The following JCAD variants were observed in gnomAD, a reference collection of about 807,000 sequenced individuals.
The protein encoded by JCAD is junctional cadherin 5 associated.
JCAD carries 40 observed loss-of-function variants against 98.0 expected under a neutral mutation model. The ratio of observed to expected loss-of-function variants is 0.41; its 90% CI spans 0.32 to 0.53. The LOEUF is 0.53. Ranked by LOEUF, JCAD falls within the 20% of genes least tolerant of loss-of-function variation. JCAD has a pLI of 0.31. For missense variants in JCAD, 1,705 were observed against 1,738.1 expected (o/e 0.98, Z 0.34); for synonymous variants, 691 against 682.3 (o/e 1.01, Z -0.20).
intron 2 of JCAD, among the ~76,000 whole-genome samples, chr10:30,034,222 C>CAATAATAATAATAATAATAAT (rs71023540): frequency 4.0e-5 from 6 of 149,328 alleles, no homozygotes; most frequent in South Asian, 2.1e-4. Flanking sequence ...GACTCCATCT[C>CAATAATAATAATAATAATAAT]AATAATAATA....
chr10:30,109,443 A>G (rs936343188), intron 1 of JCAD, among the ~76,000 whole-genome samples: 1 of 151,980 alleles, frequency 6.6e-6, no homozygotes, highest in Non-Finnish European at 1.5e-5. Context: ...GTTATCTTTG[A>G]TGGATGCCTG....
chr10:30,111,975 A>G (rs2132722277), intron 1 of JCAD, among the ~76,000 whole-genome samples: 1 of 152,290 alleles, frequency 6.6e-6, no homozygotes, highest in Middle Eastern at 3.4e-3. Context: ...GCCCCCAAAG[A>G]GCTGAAAATA....
intron 3 of JCAD, among the ~76,000 whole-genome samples, chr10:30,021,587 A>C (rs924821287): frequency 4.6e-5 from 7 of 152,220 alleles, no homozygotes; most frequent in African/African-American, 1.7e-4. Flanking sequence ...ATATATTCAA[A>C]ATATCATTTC....
Position 30,027,831 on chromosome 10 carries a change from G to T in JCAD, c.2317C>A (p.Gln773Lys). ...AFSRTSLSVD[Q>K]APTPKAGRSQ... ...CGGCCTGCTTTTGGCGTCGGTGCCTGGTCCACGGACAAGGAAGTCCTTGAG... is the reference window on the plus strand; with the variant it reads ...CGGCCTGCTTTTGGCGTCGGTGCCTTGTCCACGGACAAGGAAGTCCTTGAG... The change falls in exon 3 of 4, where the codon CAG becomes AAG. Residue 773 changes from glutamine (Q) to lysine (K), a missense_variant. Physicochemically the swap from Gln to Lys is moderately conservative, Grantham distance 53. Transcript: ENST00000375377. The T allele has an allele frequency of 6.2e-7, 1 of 1,614,270 alleles. No individual in the cohort carries two copies.
intron 1 of JCAD, among the ~76,000 whole-genome samples, chr10:30,105,119 C>T (rs906369021): frequency 6.6e-6 from 1 of 152,188 alleles, no homozygotes; most frequent in Non-Finnish European, 1.5e-5. Flanking sequence ...TAAATGCACC[C>T]TCTTCACTGA....
intron 1 of JCAD, among the ~76,000 whole-genome samples, chr10:30,074,357 G>A (rs1837944511): frequency 6.6e-6 from 1 of 152,184 alleles, no homozygotes; most frequent in Non-Finnish European, 1.5e-5. Context: ...AGTACTCTCT[G>A]TGTACCTTGA....
In JCAD at chr10:30,019,005, T is replaced by C. The variant is rs539270150; in HGVS notation, c.4046-1088A>G. ...AAGTTCACTGCAGCATTATTTACAATGGCCAAGATAGGAAACTACCTAATC... is the reference window on the plus strand; with the variant it reads ...AAGTTCACTGCAGCATTATTTACAACGGCCAAGATAGGAAACTACCTAATC... On this transcript the variant is annotated intron_variant, in intron 3 of 3. Transcript: ENST00000375377. Among the ~76,000 whole-genome samples, 19 of 152,236 alleles carry C rather than the reference T, an allele frequency of 1.2e-4. 2 individuals carry two copies. In the South Asian group the frequency reaches 3.1e-3, roughly 25 times the overall value.
At chr10:30,106,565 ATC>A (rs1838585818) in intron 1 of JCAD, among the ~76,000 whole-genome samples, 1 of 152,224 alleles carries the variant, frequency 6.6e-6, no homozygotes, top group Admixed American at 6.5e-5. Flanking sequence ...CAGTGGCACT[ATC>A]TCGGCTTACC....
chr10:30,044,533 G>A (rs183773442), intron 2 of JCAD, among the ~76,000 whole-genome samples: 27 of 152,288 alleles, frequency 1.8e-4, no homozygotes, highest in Middle Eastern at 3.4e-3. Flanking sequence ...CCCCTAGACC[G>A]GGAGGCCAGC....
upstream of JCAD, among the ~76,000 whole-genome samples, chr10:30,063,047 GA>G (rs1353118155): frequency 1.3e-5 from 2 of 151,564 alleles, no homozygotes; most frequent in Non-Finnish European, 2.9e-5. Flanking sequence ...AGACGTGAGA[GA>G]AACAAGCCTA....
At chr10:30,034,238 A>AATG (rs1239947429) in intron 2 of JCAD, among the ~76,000 whole-genome samples, 1 of 151,140 alleles carries the variant, frequency 6.6e-6, no homozygotes, top group Non-Finnish European at 1.5e-5. Flanking sequence ...TAATAATAAT[A>AATG]ATAATAATAA....
chr10:30,017,603 T>C lies in JCAD; in HGVS notation c.*280A>G, dbSNP rs1672485049. 1.1e-5 allele frequency: 6 copies of C among 527,550 alleles called. No individual in the cohort carries two copies. The highest frequency in any genetic ancestry group is 1.9e-5 in the African/African-American group (1 of 51,458). The allele number at this position is 527,550 out of a possible 1,614,324, so 32.7% of individuals were successfully genotyped here. On this transcript the variant is annotated 3_prime_UTR_variant, in exon 4 of 4. Coordinates refer to ENST00000375377, the MANE Select transcript of JCAD (RefSeq NM_020848.4). ...CTATTTACCAGCTTAGTCAAATCTG[T>C]CATGAGGGAGGGTTTCTGTGAAAAC...
chr10:30,098,565 T>A (rs575096507), intron 1 of JCAD, among the ~76,000 whole-genome samples: 1 of 152,366 alleles, frequency 6.6e-6, no homozygotes, highest in Admixed American at 6.5e-5. Context: ...CTGATTCATT[T>A]GCTTTTGTGT....
intron 2 of JCAD, among the ~76,000 whole-genome samples, chr10:30,067,327 GT>G (rs371535356): frequency 4.7e-5 from 7 of 147,956 alleles, no homozygotes; most frequent in South Asian, 2.2e-4. Context: ...CCTTTTTTCT[GT>G]TTTTTTTTTG....
intron 1 of JCAD, among the ~76,000 whole-genome samples, chr10:30,049,289 G>C (rs575684749): frequency 1.3e-5 from 2 of 152,304 alleles, no homozygotes; most frequent in South Asian, 2.1e-4. Context: ...TTCACTGGTG[G>C]ACGGAAATAG....
At position 30,017,737 on chromosome 10, in the gene JCAD, G is replaced by C. The variant is rs1589672633; in HGVS notation, c.*146C>G. 3 of 714,698 alleles carry C rather than the reference G, an allele frequency of 4.2e-6. No homozygotes were observed. Among genetic ancestry groups the C allele is most frequent in the East Asian group, 2.7e-5 (1 of 36,840 alleles). The allele number at this position is 714,698 out of a possible 1,614,324, so 44.3% of individuals were successfully genotyped here. ...TTCTGAGAGGATGGCAAGTTTCCTA[G>C]TGGCAGTGGTAAAGAATGTTATCAG... On this transcript the variant is annotated 3_prime_UTR_variant, in exon 4 of 4. Transcript: ENST00000375377.
intron 1 of JCAD, among the ~76,000 whole-genome samples, chr10:30,077,480 C>T (rs1345635921): frequency 6.6e-6 from 1 of 152,168 alleles, no homozygotes; most frequent in East Asian, 1.9e-4. Flanking sequence ...GTATACGTTT[C>T]AGTGGCATTA....
intron 2 of JCAD, among the ~76,000 whole-genome samples, chr10:30,045,005 A>G (rs1837307960): frequency 6.6e-6 from 1 of 152,098 alleles, no homozygotes; most frequent in Non-Finnish European, 1.5e-5. Context: ...TCTCAACAAC[A>G]TGGACAAGAG....
chr10:30,113,635 A>G (rs184544647), intron 1 of JCAD, among the ~76,000 whole-genome samples: 6 of 149,274 alleles, frequency 4.0e-5, no homozygotes, highest in African/African-American at 9.9e-5. Flanking sequence ...AGCAGCATTC[A>G]TCAGAACCTG....
Sources: allele counts gnomAD v4.1 joint callset (sites outside exome capture counted in the v4.1 genomes callset), GRCh38; gene constraint gnomAD v4.1.1; transcripts MANE v1.5; gene names NCBI Gene and HGNC (gene_info 2026-07-23, HGNC 2026-07-21).